Variants in DACH2 observed in about 807,000 individuals in gnomAD.
DACH2 encodes dachshund family transcription factor 2, also known as dachshund homolog 2.
In DACH2, 17 loss-of-function variants were observed where a neutral mutation model predicts 35.8. That is an observed-to-expected ratio of 0.48 (90% CI 0.33 to 0.71). DACH2 has a LOEUF of 0.71. DACH2 is among the 30% of genes least tolerant of loss of function. DACH2 has a pLI of 0.02. For synonymous variants in DACH2, 195 were observed against 177.3 expected, an observed-to-expected ratio of 1.10 and a Z score of -0.79; for missense variants, 469 against 472.7, an observed-to-expected ratio of 0.99 and a Z score of 0.07.
chrX:86,194,745 G>A (rs1033745354), intron 1 of DACH2, among the ~76,000 whole-genome samples: 7 of 112,612 alleles, frequency 6.2e-5, no homozygotes, highest in Non-Finnish European at 1.3e-4. Flanking sequence ...GTTTGGCGCA[G>A]GAGTGTCTGT....
At chrX:86,814,599 C>A in intron 9 of DACH2, 89 bp from the exon 10 acceptor site, 1 of 896,352 alleles carries the variant, frequency 1.1e-6, no homozygotes, top group South Asian at 2.5e-5. Flanking sequence ...CTCTCTTTAT[C>A]TATACTTATA....
chrX:86,150,637 G>C (rs776762063), intron 1 of DACH2, among the ~76,000 whole-genome samples: 2 of 111,755 alleles, frequency 1.8e-5, no homozygotes, highest in East Asian at 5.6e-4. Context: ...TATTATATCA[G>C]CTTTTCTTAA....
At chrX:86,427,272 G>A (rs1195041252) in intron 2 of DACH2, among the ~76,000 whole-genome samples, 2 of 110,981 alleles carry the variant, frequency 1.8e-5, no homozygotes, top group Non-Finnish European at 3.8e-5. Context: ...TGAGAGATGG[G>A]GTTTTTAGAT....
At chrX:86,647,423 T>C (rs1042233978) in intron 3 of DACH2, among the ~76,000 whole-genome samples, 9 of 110,795 alleles carry the variant, frequency 8.1e-5, no homozygotes, top group Non-Finnish European at 1.1e-4. Flanking sequence ...AAATAAGTCA[T>C]ACAGAGGGAC....
At chrX:86,831,670 G>T (rs1285253631) in intron 11 of DACH2, 1 of 113,809 alleles carries the variant, frequency 8.8e-6, no homozygotes, top group Non-Finnish European at 1.8e-5. Context: ...AGTATACACA[G>T]TCTCAGGGTT....
chrX:86,337,453 C>G (rs2035333541), intron 1 of DACH2, among the ~76,000 whole-genome samples: 1 of 111,692 alleles, frequency 9.0e-6, no homozygotes, highest in Admixed American at 9.5e-5. Context: ...ATTTTCAACC[C>G]AGAATTTCAT....
intron 3 of DACH2, among the ~76,000 whole-genome samples, chrX:86,633,400 A>C (rs1372961784): frequency 1.8e-5 from 2 of 111,638 alleles, no homozygotes; most frequent in Non-Finnish European, 3.8e-5. Flanking sequence ...ATATTGAACA[A>C]GGAAGAAATG....
At chrX:86,482,374 G>A (rs1001696035) in intron 2 of DACH2, among the ~76,000 whole-genome samples, 1 of 111,768 alleles carries the variant, frequency 8.9e-6, no homozygotes, top group Non-Finnish European at 1.9e-5. Flanking sequence ...TAGAAGTTTT[G>A]TATATGCTCA....
chrX:86,311,906 C>T (rs959623865), intron 1 of DACH2, among the ~76,000 whole-genome samples: 7 of 111,255 alleles, frequency 6.3e-5, no homozygotes, highest in African/African-American at 9.8e-5. Context: ...TCCATTAGGG[C>T]GTCTTTTAGT....
At chrX:86,407,743 G>A (rs751395757) in intron 2 of DACH2, among the ~76,000 whole-genome samples, 1 of 111,690 alleles carries the variant, frequency 9.0e-6, no homozygotes, top group East Asian at 2.8e-4. Flanking sequence ...AGAAGGATAG[G>A]CAGAGCATTG....
At chrX:86,275,912 A>G (rs1040708075) in intron 1 of DACH2, among the ~76,000 whole-genome samples, 6 of 112,341 alleles carry the variant, frequency 5.3e-5, no homozygotes, top group Admixed American at 1.9e-4. Context: ...GCTGAATACT[A>G]TTCCATTATG....
intron 1 of DACH2, among the ~76,000 whole-genome samples, chrX:86,363,139 G>C (rs907473046): frequency 2.7e-5 from 3 of 111,008 alleles, no homozygotes; most frequent in Admixed American, 9.7e-5. Context: ...TTTTTCCTTA[G>C]TAAAAATTTT....
At chrX:86,747,366 A>G (rs1241860571) in intron 7 of DACH2, among the ~76,000 whole-genome samples, 1 of 111,570 alleles carries the variant, frequency 9.0e-6, no homozygotes, top group Non-Finnish European at 1.9e-5. Context: ...AATTTCTTCC[A>G]GCAATGTTTT....
At chrX:86,477,860 G>A (rs751615115) in intron 2 of DACH2, among the ~76,000 whole-genome samples, 20 of 110,147 alleles carry the variant, frequency 1.8e-4, no homozygotes, top group Admixed American at 4.8e-4. Flanking sequence ...TCAGGTAACC[G>A]TTAGGATTGT....
chrX:86,704,830 A>C (rs961211944), intron 5 of DACH2, among the ~76,000 whole-genome samples: 4 of 110,730 alleles, frequency 3.6e-5, no homozygotes, highest in African/African-American at 1.3e-4. Flanking sequence ...AGTATGGAAA[A>C]CAATGTGGAG....
At chrX:86,481,265 C>T (rs1198802658) in intron 2 of DACH2, 1 of 111,758 alleles carries the variant, frequency 8.9e-6, no homozygotes, top group Non-Finnish European at 1.9e-5. Context: ...ATATCTTTCT[C>T]ATTAGATTAT....
chrX:86,323,545 T>C (rs1418610608), intron 1 of DACH2, among the ~76,000 whole-genome samples: 1 of 111,542 alleles, frequency 9.0e-6, no homozygotes, highest in Non-Finnish European at 1.9e-5. Context: ...ATGGGAGACA[T>C]GGTGACCATG....
intron 3 of DACH2, among the ~76,000 whole-genome samples, chrX:86,567,456 T>C: frequency 9.0e-6 from 1 of 110,823 alleles, no homozygotes; most frequent in Middle Eastern, 4.7e-3. Context: ...GCTGCAATAA[T>C]CCCATCTTGA....
At chrX:86,733,730 A>G (rs1388335701) in intron 6 of DACH2, among the ~76,000 whole-genome samples, 2 of 111,433 alleles carry the variant, frequency 1.8e-5, no homozygotes, top group Admixed American at 1.9e-4. Context: ...CAGTTTACCA[A>G]CACCATCTGA....
Sources: gnomAD v4.1 joint callset for allele counts (sites outside exome capture counted in the v4.1 genomes callset) on GRCh38, gnomAD v4.1.1 for gene constraint, MANE v1.5 for transcripts, NCBI Gene and HGNC (gene_info 2026-07-23, HGNC 2026-07-21) for gene names.